The following SCUBE3 variants were observed in gnomAD, a reference collection of about 807,000 sequenced individuals.
SCUBE3 encodes the protein signal peptide, CUB and EGF-like domain-containing protein 3.
In SCUBE3, 33 loss-of-function variants were observed where a neutral mutation model predicts 116.8. The observed-to-expected ratio is 0.28, with a 90% CI of 0.21 to 0.38. The LOEUF (loss-of-function observed/expected upper bound fraction) is 0.38, where lower values mean the gene tolerates loss of function less well. Among genes scored for constraint, SCUBE3 ranks in the 10% least tolerant of loss-of-function variants. The pLI, the probability that SCUBE3 is intolerant of heterozygous loss-of-function variation, is 1.00. For missense variants in SCUBE3, 1,007 were observed against 1,324.8 expected, an observed-to-expected ratio of 0.76 and a Z score of 3.72; for synonymous variants, 418 against 496.9, an observed-to-expected ratio of 0.84 and a Z score of 2.11.
Position 35,231,594 on chromosome 6 carries a change from G to A in SCUBE3, c.335-131G>A, listed in dbSNP as rs1182315500. On this transcript the variant is annotated intron_variant, in intron 3 of 21. Coordinates refer to ENST00000274938, the MANE Select transcript of SCUBE3 (RefSeq NM_152753.4). This position sits in a 1 kb window ranked among gnomAD's most constrained non-coding sequence, Gnocchi z 4.2. Reference sequence around the variant, plus strand: ...GTGAAATATTAGCTGACAAGGGTGTGAGGACTTCCTGGCTTAAGGCTGGGC... The same window carrying A: ...GTGAAATATTAGCTGACAAGGGTGTAAGGACTTCCTGGCTTAAGGCTGGGC... 7 of 679,414 alleles carry A rather than the reference G, an allele frequency of 1.0e-5. No homozygotes were observed. Among genetic ancestry groups the A allele is most frequent in the Non-Finnish European group, 1.6e-5 (7 of 442,186 alleles). 42.1% of individuals were successfully genotyped at this position (679,414 alleles called of 1,614,324 possible). A position where few individuals can be genotyped will look rare whatever the true frequency, so the allele number is the denominator to read the frequency against.
At position 35,235,320 on chromosome 6, in the gene SCUBE3, G is replaced by A. The variant is rs1360287304; in HGVS notation, c.712+2019G>A. 7.0e-6 allele frequency: 3 copies of A among 428,682 alleles called. No individual in the cohort carries two copies. Among genetic ancestry groups the A allele is most frequent in the African/African-American group, 4.0e-5 (2 of 49,490 alleles). The allele number at this position is 428,682 out of a possible 1,614,324, so 26.6% of individuals were successfully genotyped here. A position where few individuals can be genotyped will look rare whatever the true frequency, so the allele number is the denominator to read the frequency against. On this transcript the variant is annotated intron_variant, in intron 6 of 21. Coordinates refer to ENST00000274938, the MANE Select transcript of SCUBE3 (RefSeq NM_152753.4). The surrounding 1 kb of genome is among the most constrained non-coding windows in gnomAD (Gnocchi z 4.5). ...GTGAAGCTGTCATAAGGGTCCCAGGGCTCATCATTTGGGGCTACTGGTTTG... is the reference window on the plus strand; with the variant it reads ...GTGAAGCTGTCATAAGGGTCCCAGGACTCATCATTTGGGGCTACTGGTTTG...
chr6:35,242,875 T>A, intron 14 of SCUBE3, 95 bp downstream of exon 14: 1 of 1,530,686 alleles, frequency 6.5e-7, no homozygotes, highest in Non-Finnish European at 9.0e-7. Flanking sequence ...GGATGGAGCC[T>A]GTACTAGGGG....
Position 35,231,968 on chromosome 6 carries a change from T to G in SCUBE3, c.469+109T>G. The G allele has an allele frequency of 8.5e-6, 8 of 936,536 alleles. No homozygotes were observed. Among genetic ancestry groups the G allele is most frequent in the South Asian group, 1.7e-5 (1 of 57,236 alleles). 58.0% of individuals were successfully genotyped at this position (936,536 alleles called of 1,614,324 possible). ...ACCCTCCATTCTCAACTCAGCTAGC[T>G]CCTTCTTCTCTTGTCCTTCAACTCA... On this transcript the variant is annotated intron_variant, in intron 4 of 21. Coordinates refer to ENST00000274938, the MANE Select transcript of SCUBE3 (RefSeq NM_152753.4). This position sits in a 1 kb window ranked among gnomAD's most constrained non-coding sequence, Gnocchi z 4.2.
chr6:35,241,958 A>C lies in SCUBE3; in HGVS notation c.1417+48A>C, dbSNP rs1453961357. On this transcript the variant is annotated intron_variant, in intron 12 of 21. Coordinates refer to ENST00000274938, the MANE Select transcript of SCUBE3 (RefSeq NM_152753.4). This position sits in a 1 kb window ranked among gnomAD's most constrained non-coding sequence, Gnocchi z 4.1. ...TGTTCCCACCCTACTCTCTTACATT[A>C]ATCCCTTATTTTTGTTCTTCATCAA... 11 of 1,297,158 alleles carry C rather than the reference A, an allele frequency of 8.5e-6. No homozygotes were observed. The highest frequency in any genetic ancestry group is 1.2e-5 in the Non-Finnish European group (11 of 900,192). The allele number at this position is 1,297,158 out of a possible 1,614,324, so 80.4% of individuals were successfully genotyped here.
chr6:35,215,864 C>T (rs1782868361), intron 1 of SCUBE3, among the ~76,000 whole-genome samples: 1 of 152,212 alleles, frequency 6.6e-6, no homozygotes, highest in African/African-American at 2.4e-5. Flanking sequence ...GCCTCTTTTC[C>T]AGTCCTGGTT....
Position 35,244,049 on chromosome 6 carries a change from C to T in SCUBE3, c.2158C>T (p.Arg720Trp), listed in dbSNP as rs752868196. Reference protein sequence around the residue: ...PRGTYQPEAGRTLCFPCGGGL... With the variant: ...PRGTYQPEAGWTLCFPCGGGL... The stretch of plus-strand genomic sequence containing the variant: ...TGGCACCTACCAACCTGAAGCAGGA[C>T]GGACCCTATGCTTCCCTTGTGGTGG... The change falls in exon 17 of 22, where the codon CGG becomes TGG. Residue 720 changes from arginine to tryptophan, a missense_variant. Physicochemically the swap from Arg to Trp is moderately radical, Grantham distance 101 (BLOSUM62 -3). This residue lies in a region of SCUBE3 where 544 missense variants were observed against 638.9 expected (regional missense o/e 0.85). Coordinates refer to ENST00000274938, the MANE Select transcript of SCUBE3 (RefSeq NM_152753.4). The surrounding 1 kb of genome is among the most constrained non-coding windows in gnomAD (Gnocchi z 4.3). 27 of 1,613,838 alleles carry T rather than the reference C, an allele frequency of 1.7e-5. No homozygotes were observed. The highest frequency in any genetic ancestry group is 1.6e-4 in the South Asian group (15 of 91,076).
In SCUBE3 at chr6:35,244,183, A is replaced by G. The variant is rs576248290; in HGVS notation, c.2239+53A>G. On this transcript the variant is annotated intron_variant, in intron 17 of 21. Transcript: ENST00000274938. This position sits in a 1 kb window ranked among gnomAD's most constrained non-coding sequence, Gnocchi z 4.3. ...GATGCCCCAACCCCAACTACTCCCAAAAAACTCTCCAATTTCCCAGAGGGG... is the reference window on the plus strand; with the variant it reads ...GATGCCCCAACCCCAACTACTCCCAGAAAACTCTCCAATTTCCCAGAGGGG... 3.1e-5 allele frequency: 47 copies of G among 1,507,032 alleles called. No individual in the cohort carries two copies. In the East Asian group the frequency reaches 8.2e-4, roughly 26 times the overall value. 93.4% of individuals were successfully genotyped at this position (1,507,032 alleles called of 1,614,324 possible).
chr6:35,231,589 G>T lies in SCUBE3; in HGVS notation c.335-136G>T. ...ACTTAGTGAAATATTAGCTGACAAG[G>T]GTGTGAGGACTTCCTGGCTTAAGGC... is the stretch of plus-strand genomic sequence containing the variant. On this transcript the variant is annotated intron_variant, in intron 3 of 21. Coordinates refer to ENST00000274938, the MANE Select transcript of SCUBE3 (RefSeq NM_152753.4). The surrounding 1 kb of genome is among the most constrained non-coding windows in gnomAD (Gnocchi z 4.2). 1 of 628,694 alleles carries T rather than the reference G, an allele frequency of 1.6e-6. No individual in the cohort carries two copies. Among genetic ancestry groups the T allele is most frequent in the Non-Finnish European group, 2.5e-6 (1 of 398,290 alleles). The allele number at this position is 628,694 out of a possible 1,614,324, so 38.9% of individuals were successfully genotyped here.
At chr6:35,223,384 G>A (rs967956301) in intron 1 of SCUBE3, 3 of 152,182 alleles carry the variant, frequency 2.0e-5, no homozygotes, top group African/African-American at 7.2e-5. Flanking sequence ...GGACCACACA[G>A]ACACAGGTAG....
chr6:35,237,771 A>G, intron 6 of SCUBE3, 131 bp from the exon 7 acceptor site: 2 of 630,120 alleles, frequency 3.2e-6, no homozygotes, highest in Non-Finnish European at 5.8e-6. Context: ...CCTTGGCTTA[A>G]TGCTCCTTCT....
Position 35,232,345 on chromosome 6 carries a change from A to ACTGCC in SCUBE3, c.469+491_469+495dup, listed in dbSNP as rs1783585330. Among the ~76,000 whole-genome samples, 1 of 152,186 alleles carries ACTGCC rather than the reference A, an allele frequency of 6.6e-6. No homozygotes were observed. Among genetic ancestry groups the ACTGCC allele is most frequent in the Admixed American group, 6.5e-5 (1 of 15,280 alleles). ...TTGTTGTATCCCCAGCACCTAACAT[A>ACTGCC]CTGCCCTGCGTGTAGTGAGAGTTTA... On this transcript the variant is annotated intron_variant, in intron 4 of 21. Coordinates refer to ENST00000274938, the MANE Select transcript of SCUBE3 (RefSeq NM_152753.4). The surrounding 1 kb of genome is among the most constrained non-coding windows in gnomAD (Gnocchi z 4.2).
rs1034312947 is a variant in SCUBE3 at position 35,252,713 on chromosome 6, T to C, written c.*4008T>C. The C allele has an allele frequency of 3.3e-5, 5 of 152,230 alleles. No homozygotes were observed. Among genetic ancestry groups the C allele is most frequent in the African/African-American group, 7.2e-5 (3 of 41,462 alleles). The allele number at this position is 152,230 out of a possible 1,614,324, so 9.4% of individuals were successfully genotyped here. Reference sequence around the variant, plus strand: ...GTGCCATTATTTGTACAAGGAAATATATGATTAGAAGGAATAGAACCCCCA... The same window carrying C: ...GTGCCATTATTTGTACAAGGAAATACATGATTAGAAGGAATAGAACCCCCA... On this transcript the variant is annotated 3_prime_UTR_variant, in exon 22 of 22. Transcript: ENST00000274938.
At position 35,245,196 on chromosome 6, in the gene SCUBE3, G is replaced by T. The variant is rs1253586226; in HGVS notation, c.2402-32G>T. ...ACTTCCCCACTGACTTCCCTTCTCT[G>T]TCTTGTTTTATCCACTGGGGTTTGG... On this transcript the variant is annotated intron_variant, in intron 18 of 21. Coordinates refer to ENST00000274938, the MANE Select transcript of SCUBE3 (RefSeq NM_152753.4). This position sits in a 1 kb window ranked among gnomAD's most constrained non-coding sequence, Gnocchi z 4.2. 2 of 1,606,824 alleles carry T rather than the reference G, an allele frequency of 1.2e-6. No homozygotes were observed. The highest frequency in any genetic ancestry group is 1.1e-5 in the South Asian group (1 of 90,932).
At position 35,241,376 on chromosome 6, in the gene SCUBE3, T is replaced by C. The variant is rs948298024; in HGVS notation, c.1195+110T>C. ...GGGGAAAGGTGTGAGGTGGAAAGGG[T>C]GGAGAATGTAGCCATTTTGAGTTAA... On this transcript the variant is annotated intron_variant, in intron 10 of 21. Transcript: ENST00000274938. This position sits in a 1 kb window ranked among gnomAD's most constrained non-coding sequence, Gnocchi z 4.1. The C allele has an allele frequency of 1.5e-6, 2 of 1,325,014 alleles. No homozygotes were observed. Among genetic ancestry groups the C allele is most frequent in the African/African-American group, 2.9e-5 (2 of 69,050 alleles). 82.1% of individuals were successfully genotyped at this position (1,325,014 alleles called of 1,614,324 possible). A position where few individuals can be genotyped will look rare whatever the true frequency, so the allele number is the denominator to read the frequency against.
rs892288322 is a variant in SCUBE3 at position 35,251,037 on chromosome 6, C to A, written c.*2332C>A. ...GCTGCTTCCAAACAAGGGAAATGGT[C>A]ATTTAGTATGAGTGTCTCTGTACTT... On this transcript the variant is annotated 3_prime_UTR_variant, in exon 22 of 22. Coordinates refer to ENST00000274938, the MANE Select transcript of SCUBE3 (RefSeq NM_152753.4). 6.6e-6 allele frequency: 1 copy of A among 151,944 alleles called. No individual in the cohort carries two copies. The highest frequency in any genetic ancestry group is 2.4e-5 in the African/African-American group (1 of 41,380). 9.4% of individuals were successfully genotyped at this position (151,944 alleles called of 1,614,324 possible).
In SCUBE3 at chr6:35,243,330, A is replaced by C; in HGVS notation, c.1909+94A>C. 8.9e-7 allele frequency: 1 copy of C among 1,128,596 alleles called. No homozygotes were observed. The highest frequency in any genetic ancestry group is 1.3e-6 in the Non-Finnish European group (1 of 770,898). 69.9% of individuals were successfully genotyped at this position (1,128,596 alleles called of 1,614,324 possible). On this transcript the variant is annotated intron_variant, in intron 15 of 21. Coordinates refer to ENST00000274938, the MANE Select transcript of SCUBE3 (RefSeq NM_152753.4). The surrounding 1 kb of genome is among the most constrained non-coding windows in gnomAD (Gnocchi z 6.6). ...CTTTGTGGCCTCAGATGCATTTCTC[A>C]AATTATGAGGCAGCCAGGATGCTCC...
rs754276390 is a variant in SCUBE3, at chr6:35,243,035, C to G, written c.1708C>G (p.Pro570Ala). Residue 570 changes from proline (P) to alanine (A), a missense_variant, in exon 15 of 22, where the codon CCC becomes GCC. Pro to Ala is a conservative substitution (Grantham distance 27, BLOSUM62 -1). Transcript: ENST00000274938. The surrounding 1 kb of genome is among the most constrained non-coding windows in gnomAD (Gnocchi z 6.6). ...AEETTASCGL[P>A]CLRQRMERRL... is the part of the protein sequence containing the mutation. ...TCCACCACCAGCCAGCTGTGGGCTG[C>G]CCTGCCTCCGACAGCGAATGGAACG... is the stretch of plus-strand genomic sequence containing the variant. 6 of 1,614,042 alleles carry G rather than the reference C, an allele frequency of 3.7e-6. No individual in the cohort carries two copies. Among genetic ancestry groups the G allele is most frequent in the Non-Finnish European group, 5.1e-6 (6 of 1,179,980 alleles).
chr6:35,218,268 G>T (rs1304085985), intron 1 of SCUBE3: 1 of 354,930 alleles, frequency 2.8e-6, no homozygotes, highest in Non-Finnish European at 3.9e-6. Context: ...GGGTGTGTGT[G>T]TGTGTGAAGT....
chr6:35,241,677 G>C lies in SCUBE3; in HGVS notation c.1312+18G>C, dbSNP rs753745034. ...TTTGCCAGGTACATGGGAGGAGGGT[G>C]CTGGAGAGCTTTGGAGGAGAAAAGA... On this transcript the variant is annotated intron_variant, in intron 11 of 21. Transcript: ENST00000274938. The surrounding 1 kb of genome is among the most constrained non-coding windows in gnomAD (Gnocchi z 4.1). The C allele has an allele frequency of 6.4e-7, 1 of 1,570,754 alleles. No individual in the cohort carries two copies. The highest frequency in any genetic ancestry group is 1.1e-5 in the South Asian group (1 of 90,214).
Sources: allele counts gnomAD v4.1 joint callset (sites outside exome capture counted in the v4.1 genomes callset), GRCh38; gene constraint gnomAD v4.1.1; regional missense constraint gnomAD v4.1.1; non-coding constraint Gnocchi (gnomAD v3.1); transcripts MANE v1.5; gene names NCBI Gene and HGNC (gene_info 2026-07-23, HGNC 2026-07-21).